ZFPM1: variants seen among roughly 807,000 people sequenced by gnomAD.
The protein encoded by ZFPM1 is zinc finger protein, FOG family member 1, also known as zinc finger protein ZFPM1.
In ZFPM1, 28 loss-of-function variants were observed where a neutral mutation model predicts 46.3. That is an observed-to-expected ratio of 0.60 (90% CI 0.45 to 0.83). The LOEUF (loss-of-function observed/expected upper bound fraction) is 0.83. Ranked by LOEUF, ZFPM1 falls within the 40% of genes least tolerant of loss-of-function variation. The pLI, the probability that ZFPM1 is intolerant of heterozygous loss-of-function variation, is 0.00. For synonymous variants in ZFPM1, 957 were observed against 675.9 expected (o/e 1.42, Z -6.45); for missense variants, 1,878 against 1,432.4 (o/e 1.31, Z -5.02).
intron 1 of ZFPM1, among the ~76,000 whole-genome samples, chr16:88,455,456 C>G (rs1907502497): frequency 6.6e-6 from 1 of 152,144 alleles, no homozygotes; most frequent in Non-Finnish European, 1.5e-5. Flanking sequence ...GGGGCGCCTC[C>G]TCCCCATGGC....
chr16:88,508,813 C>G (rs188302892), intron 3 of ZFPM1, among the ~76,000 whole-genome samples: 1 of 152,244 alleles, frequency 6.6e-6, no homozygotes, highest in East Asian at 1.9e-4. Flanking sequence ...CTTTTCCCCC[C>G]AGGAGGGTCT....
intron 1 of ZFPM1, among the ~76,000 whole-genome samples, chr16:88,454,412 C>T (rs1357985641): frequency 1.3e-5 from 2 of 152,218 alleles, no homozygotes; most frequent in Non-Finnish European, 2.9e-5. Flanking sequence ...CCAGCCAAGG[C>T]GGCATGGGCA....
intron 4 of ZFPM1, among the ~76,000 whole-genome samples, chr16:88,520,200 A>C (rs1416719707): frequency 7.2e-6 from 1 of 139,664 alleles, no homozygotes; most frequent in Non-Finnish European, 1.6e-5. Flanking sequence ...GGGTGGGTAG[A>C]TGGGTAGATG....
At chr16:88,489,236 T>C in intron 3 of ZFPM1, 83 bp downstream of exon 3, 1 of 1,489,068 alleles carries the variant, frequency 6.7e-7, no homozygotes, top group Non-Finnish European at 8.9e-7. Flanking sequence ...ACGTGGGTGC[T>C]GGGGCAGGTG....
At chr16:88,512,435 A>G (rs1385161445) in intron 3 of ZFPM1, among the ~76,000 whole-genome samples, 1 of 152,150 alleles carries the variant, frequency 6.6e-6, no homozygotes, top group African/African-American at 2.4e-5. Context: ...CTGGAACCCG[A>G]GGGGAAGGCA....
In ZFPM1 at chr16:88,514,502, C is replaced by G. The variant is rs749329194; in HGVS notation, c.384C>G (p.Ser128=). The G allele has an allele frequency of 6.4e-7, 1 of 1,562,552 alleles. No individual in the cohort carries two copies. Among genetic ancestry groups the G allele is most frequent in the Non-Finnish European group, 8.7e-7 (1 of 1,153,958 alleles). Residue 128 remains serine, a synonymous_variant, in exon 4 of 10, where the codon TCC becomes TCG. Coordinates refer to ENST00000319555, the MANE Select transcript of ZFPM1 (RefSeq NM_153813.3). ...FHGSVQTRAS[S]PRQAEPSPAL... ...GGAGTGTCCAGACCAGAGCCTCATCCCCCAGGCAGGCGGAGCCGGTAAGAA... is the reference window on the plus strand; with the variant it reads ...GGAGTGTCCAGACCAGAGCCTCATCGCCCAGGCAGGCGGAGCCGGTAAGAA...
chr16:88,488,190 T>A (rs1909345024), intron 2 of ZFPM1, among the ~76,000 whole-genome samples: 2 of 151,380 alleles, frequency 1.3e-5, no homozygotes, highest in African/African-American at 4.9e-5. Context: ...GGCGCCCTGA[T>A]GGAGGGGCCG....
intron 3 of ZFPM1, among the ~76,000 whole-genome samples, chr16:88,505,198 C>T (rs1910582237): frequency 6.6e-6 from 1 of 152,212 alleles, no homozygotes; most frequent in African/African-American, 2.4e-5. Flanking sequence ...AGCTGCTCTA[C>T]AGTGGACGCC....
rs1225979443 is a variant in ZFPM1, at chr16:88,471,272, C to A, written c.41-14667C>A. Among the ~76,000 whole-genome samples the A allele has an allele frequency of 6.6e-6, 1 of 152,266 alleles. No individual in the cohort carries two copies. Among genetic ancestry groups the A allele is most frequent in the Non-Finnish European group, 1.5e-5 (1 of 68,040 alleles). ...CCTCCAGGGCTGCAGCCATGTGTGA[C>A]CTCCACCCTCGCGAAGGCCAGCGGC... On this transcript the variant is annotated intron_variant, in intron 1 of 9. Transcript: ENST00000319555. This position sits in a 1 kb window ranked among gnomAD's most constrained non-coding sequence, Gnocchi z 4.1.
chr16:88,535,026 C>T lies in ZFPM1; in HGVS notation c.*47C>T, dbSNP rs371463878. The T allele has an allele frequency of 4.7e-5, 63 of 1,353,368 alleles. No homozygotes were observed. The highest frequency in any genetic ancestry group is 1.8e-4 in the African/African-American group (12 of 66,970). 83.8% of individuals were successfully genotyped at this position (1,353,368 alleles called of 1,614,324 possible). A position where few individuals can be genotyped will look rare whatever the true frequency, so the allele number is the denominator to read the frequency against. ...ACGCTTTGCACGCCCCGCTGCGATG[C>T]GGGGAGGGGGCCGCCCCCAGGCCGC... On this transcript the variant is annotated 3_prime_UTR_variant, in exon 10 of 10. Transcript: ENST00000319555.
intron 2 of ZFPM1, among the ~76,000 whole-genome samples, chr16:88,488,113 C>G (rs140544151): frequency 0.019 from 2,863 of 152,318 alleles, 37 homozygotes; most frequent in Non-Finnish European, 0.029. Context: ...CATGTGGACT[C>G]CGAGGCCCTT....
chr16:88,487,356 G>A (rs925616825), intron 2 of ZFPM1, among the ~76,000 whole-genome samples: 1 of 152,218 alleles, frequency 6.6e-6, no homozygotes, highest in African/African-American at 2.4e-5. Context: ...CACACAGACT[G>A]TGAATTACCC....
chr16:88,520,895 G>A lies in ZFPM1; in HGVS notation c.403-5919G>A, dbSNP rs931007565. On this transcript the variant is annotated intron_variant, in intron 4 of 9. Transcript: ENST00000319555. Reference sequence around the variant, plus strand: ...CGGATGGATGGGAGGGAGGGAGGGAGTGTGGGTGGATGGATGGATGGATGA... The same window carrying A: ...CGGATGGATGGGAGGGAGGGAGGGAATGTGGGTGGATGGATGGATGGATGA... 2.1e-3 allele frequency among the ~76,000 whole-genome samples: 266 copies of A among 124,752 alleles called. 2 individuals are homozygous for A. The highest frequency in any genetic ancestry group is 0.01 in the East Asian group (43 of 4,158). 81.8% of individuals were successfully genotyped at this position (124,752 alleles called of 152,430 possible).
chr16:88,533,092 TGA>T, intron 9 of ZFPM1, 54 bp from the exon 10 acceptor site: 1 of 1,196,400 alleles, frequency 8.4e-7, no homozygotes, highest in African/African-American at 1.6e-5. Flanking sequence ...CCTCCAGCTC[TGA>T]CCGGCCAGGT....
chr16:88,478,773 A>G (rs933535844), intron 1 of ZFPM1, among the ~76,000 whole-genome samples: 29 of 152,340 alleles, frequency 1.9e-4, no homozygotes, highest in Non-Finnish European at 2.5e-4. Flanking sequence ...TAGAGGGGGC[A>G]GGGGGTGCTG....
chr16:88,511,301 C>G (rs952053602), intron 3 of ZFPM1, among the ~76,000 whole-genome samples: 1 of 151,998 alleles, frequency 6.6e-6, no homozygotes, highest in Non-Finnish European at 1.5e-5. Context: ...ACTGAGCTCA[C>G]GGTGGGTTCT....
At chr16:88,478,113 C>T (rs1033886538) in intron 1 of ZFPM1, among the ~76,000 whole-genome samples, 1 of 152,146 alleles carries the variant, frequency 6.6e-6, no homozygotes, top group Non-Finnish European at 1.5e-5. Context: ...GCCCCAGGCC[C>T]GCTGGCACAG....
At chr16:88,521,535 C>T (rs183130582) in intron 4 of ZFPM1, among the ~76,000 whole-genome samples, 93 of 148,418 alleles carry the variant, frequency 6.3e-4, no homozygotes, top group African/African-American at 2.1e-3. Context: ...TCCCCCAACC[C>T]GTGCTGTTCC....
chr16:88,491,239 A>T (rs1909556667), intron 3 of ZFPM1, among the ~76,000 whole-genome samples: 1 of 151,978 alleles, frequency 6.6e-6, no homozygotes, highest in Admixed American at 6.5e-5. Context: ...CCTGCTGTAG[A>T]ATAGGGTAGC....
Sources: allele counts gnomAD v4.1 joint callset (sites outside exome capture counted in the v4.1 genomes callset), GRCh38; gene constraint gnomAD v4.1.1; non-coding constraint Gnocchi (gnomAD v3.1); transcripts MANE v1.5; gene names NCBI Gene and HGNC (gene_info 2026-07-23, HGNC 2026-07-21).